SLC9A9: variants seen among roughly 807,000 people sequenced by gnomAD.
The protein encoded by SLC9A9 is solute carrier family 9 member A9.
In SLC9A9, 62 loss-of-function variants were observed where a neutral mutation model predicts 77.8. The observed-to-expected ratio is 0.80, with a 90% CI of 0.65 to 0.98. The LOEUF (loss-of-function observed/expected upper bound fraction) is 0.98, where lower values mean the gene tolerates loss of function less well. Ranked by LOEUF, SLC9A9 falls within the 50% of genes least tolerant of loss-of-function variation. The pLI is 0.00. For synonymous variants in SLC9A9, 320 were observed against 283.5 expected, an observed-to-expected ratio of 1.13 and a Z score of -1.29; for missense variants, 775 against 774.9, an observed-to-expected ratio of 1.00 and a Z score of 0.00.
At chr3:143,406,472 G>C (rs143052953) in intron 12 of SLC9A9, among the ~76,000 whole-genome samples, 4,862 of 151,728 alleles carry the variant, frequency 0.032, 279 homozygotes, top group African/African-American at 0.11. Context: ...CCGCCTCCTG[G>C]GTTCAAGTGA....
chr3:143,743,334 T>G (rs1375144839), intron 4 of SLC9A9, among the ~76,000 whole-genome samples: 1 of 151,840 alleles, frequency 6.6e-6, no homozygotes, highest in Non-Finnish European at 1.5e-5. Context: ...GGGGATTTAT[T>G]AGGGGAACTG....
intron 2 of SLC9A9, among the ~76,000 whole-genome samples, chr3:143,829,789 CTAG>C (rs1191065995): frequency 2.0e-5 from 3 of 152,066 alleles, no homozygotes; most frequent in Admixed American, 6.6e-5. Flanking sequence ...GGCAATAGTA[CTAG>C]TAGTAGTAGT....
At chr3:143,676,406 C>T (rs1471262861) in intron 5 of SLC9A9, among the ~76,000 whole-genome samples, 2 of 151,922 alleles carry the variant, frequency 1.3e-5, no homozygotes, top group African/African-American at 4.8e-5. Context: ...AACAAACAAA[C>T]AAAACAAACA....
chr3:143,824,937 C>G (rs748144602), intron 2 of SLC9A9, among the ~76,000 whole-genome samples: 7 of 152,192 alleles, frequency 4.6e-5, no homozygotes, highest in Non-Finnish European at 8.8e-5. Context: ...TCCGCCCAAA[C>G]AGCCTCATCC....
At chr3:143,360,707 TTTA>T (rs1184313400) in intron 14 of SLC9A9, among the ~76,000 whole-genome samples, 8 of 152,256 alleles carry the variant, frequency 5.3e-5, no homozygotes, top group African/African-American at 1.9e-4. Context: ...AGTGACTGGT[TTTA>T]TTGATAACAA....
chr3:143,682,630 G>A lies in SLC9A9; in HGVS notation c.649+10562C>T, dbSNP rs116557604. Among the ~76,000 whole-genome samples the A allele has an allele frequency of 3.9e-3, 597 of 152,204 alleles. 6 individuals carry two copies. Among genetic ancestry groups the A allele is most frequent in the African/African-American group, 0.013 (554 of 41,534 alleles). On this transcript the variant is annotated intron_variant, in intron 5 of 15. Transcript: ENST00000316549. ...TATCTTATATTTCTGTATATTAGAAGTTCAACACATGTCTCAGTTATATCA... is the reference window on the plus strand; with the variant it reads ...TATCTTATATTTCTGTATATTAGAAATTCAACACATGTCTCAGTTATATCA...
chr3:143,801,592 C>T (rs544835755), intron 2 of SLC9A9, among the ~76,000 whole-genome samples: 1 of 152,270 alleles, frequency 6.6e-6, no homozygotes, highest in East Asian at 1.9e-4. Context: ...GACATACACC[C>T]CATTTCCCCA....
intron 4 of SLC9A9, among the ~76,000 whole-genome samples, chr3:143,715,938 G>T (rs566190841): frequency 6.6e-6 from 1 of 152,334 alleles, no homozygotes; most frequent in East Asian, 1.9e-4. Flanking sequence ...AAAATGTGAG[G>T]TCTATACCCA....
At chr3:143,309,319 T>A (rs2030930570) in intron 14 of SLC9A9, among the ~76,000 whole-genome samples, 1 of 152,064 alleles carries the variant, frequency 6.6e-6, no homozygotes, top group Non-Finnish European at 1.5e-5. Flanking sequence ...CAGTATTACA[T>A]TATTTCTTTC....
chr3:143,321,363 G>A (rs1171449826), intron 14 of SLC9A9, among the ~76,000 whole-genome samples: 1 of 152,226 alleles, frequency 6.6e-6, no homozygotes, highest in African/African-American at 2.4e-5. Context: ...GGAAGGGACG[G>A]AAATAGGTAG....
At chr3:143,577,066 G>A (rs2037372023) in intron 7 of SLC9A9, among the ~76,000 whole-genome samples, 1 of 152,010 alleles carries the variant, frequency 6.6e-6, no homozygotes, top group Non-Finnish European at 1.5e-5. Context: ...CTTGATTCTA[G>A]TCTCCTTCCT....
intron 9 of SLC9A9, among the ~76,000 whole-genome samples, chr3:143,528,560 A>G (rs1048335790): frequency 7.9e-5 from 12 of 152,200 alleles, no homozygotes; most frequent in African/African-American, 2.7e-4. Context: ...TGGTCACCCT[A>G]TAACCCTATG....
At chr3:143,302,125 G>C (rs188212686) in intron 14 of SLC9A9, among the ~76,000 whole-genome samples, 9 of 152,154 alleles carry the variant, frequency 5.9e-5, no homozygotes, top group African/African-American at 2.2e-4. Flanking sequence ...TTGTCACAGC[G>C]GGCCAGGAAT....
At position 143,819,622 on chromosome 3, in the gene SLC9A9, TA is replaced by T. The variant is rs960977822; in HGVS notation, c.378+12396del. Among the ~76,000 whole-genome samples the T allele has an allele frequency of 1.6e-4, 24 of 150,278 alleles. No homozygotes were observed. In the South Asian group the frequency reaches 1.7e-3, roughly 11 times the overall value. On this transcript the variant is annotated intron_variant, in intron 2 of 15. Transcript: ENST00000316549. ...ATGCAACAGGAGAAGCCTTTGTAAA[TA>T]AAAAAAAAATTTCCATGGAAAAGAA...
intron 9 of SLC9A9, among the ~76,000 whole-genome samples, chr3:143,516,239 G>GCTTTCT (rs140545615): frequency 4.6e-5 from 7 of 151,492 alleles, no homozygotes; most frequent in Admixed American, 1.3e-4. Context: ...GCTTATTTTT[G>GCTTTCT]CTCTCTCTCT....
At chr3:143,390,377 G>T (rs1023853664) in intron 12 of SLC9A9, among the ~76,000 whole-genome samples, 2 of 152,230 alleles carry the variant, frequency 1.3e-5, no homozygotes, top group Admixed American at 1.3e-4. Flanking sequence ...CTATGGGCAG[G>T]AAACTGTACC....
chr3:143,371,505 T>C (rs2033058237), intron 13 of SLC9A9, among the ~76,000 whole-genome samples: 1 of 151,986 alleles, frequency 6.6e-6, no homozygotes, highest in African/African-American at 2.4e-5. Context: ...CTGCTAGACA[T>C]GGGAGGAAGC....
Position 143,795,001 on chromosome 3 carries a change from C to T in SLC9A9, c.533G>A (p.Gly178Glu), listed in dbSNP as rs1385337322. Reference sequence around the variant, plus strand: ...AACTTGAGCTCCGAATGTCACTTACCCTATGACGATGCAGGAGATGGCAGT... The same window carrying T: ...AACTTGAGCTCCGAATGTCACTTACTCTATGACGATGCAGGAGATGGCAGT... The part of the protein sequence containing the change: ...LGTAISCIVI[G>E]LIMYGFVKAM... Residue 178 changes from glycine to glutamate, a missense_variant and splice_region_variant, in exon 4 of 16, where the codon GGG becomes GAG. Transcript: ENST00000316549. The T allele has an allele frequency of 6.2e-7, 1 of 1,613,786 alleles. No homozygotes were observed. The highest frequency in any genetic ancestry group is 8.5e-7 in the Non-Finnish European group (1 of 1,179,788).
intron 12 of SLC9A9, among the ~76,000 whole-genome samples, chr3:143,398,549 AACACCATGT>A (rs2033781038): frequency 6.6e-6 from 1 of 152,184 alleles, no homozygotes; most frequent in Non-Finnish European, 1.5e-5. Context: ...AAGTTATTGT[AACACCATGT>A]ATTTTAGTAA....
Sources: gnomAD v4.1 joint callset for allele counts (sites outside exome capture counted in the v4.1 genomes callset) on GRCh38, gnomAD v4.1.1 for gene constraint, MANE v1.5 for transcripts, NCBI Gene and HGNC (gene_info 2026-07-23, HGNC 2026-07-21) for gene names.